CASR: variants seen among roughly 807,000 people sequenced by gnomAD.
The protein encoded by CASR is calcium sensing receptor, also known as extracellular calcium-sensing receptor.
CASR carries 23 observed loss-of-function variants against 69.1 expected under a neutral mutation model. That is an observed-to-expected ratio of 0.33 (90% CI 0.24 to 0.47). The LOEUF (loss-of-function observed/expected upper bound fraction) is 0.47, where lower values mean the gene tolerates loss of function less well. CASR is among the 20% of genes least tolerant of loss of function. The probability of loss-of-function intolerance (pLI) is 1.00; values close to 1 mark genes in which losing one functional copy is unlikely to be tolerated. For missense variants in CASR, 924 were observed against 1,356.1 expected (o/e 0.68, Z 5.00); for synonymous variants, 541 against 544.7 (o/e 0.99, Z 0.10).
At chr3:122,188,480 C>A (rs1033195538) in intron 1 of CASR, among the ~76,000 whole-genome samples, 1 of 150,936 alleles carries the variant, frequency 6.6e-6, no homozygotes, top group Non-Finnish European at 1.5e-5. Flanking sequence ...TGCTTGTATA[C>A]AGAGAACTTC....
Position 122,257,395 on chromosome 3 carries a change from A to C in CASR, c.492+8A>C. 6.2e-7 allele frequency: 1 copy of C among 1,610,210 alleles called. No homozygotes were observed. Among genetic ancestry groups the C allele is most frequent in the Non-Finnish European group, 8.5e-7 (1 of 1,177,198 alleles). Reference sequence around the variant, plus strand: ...CTCTTCTACATTCCCCAGGTACTCAAGCCTTCTCAGGCGGGGCACTGGGAG... The same window carrying C: ...CTCTTCTACATTCCCCAGGTACTCACGCCTTCTCAGGCGGGGCACTGGGAG... On this transcript the variant is annotated splice_region_variant and intron_variant, in intron 3 of 6. Coordinates refer to ENST00000639785, the MANE Select transcript of CASR (RefSeq NM_000388.4).
At chr3:122,251,310 A>G (rs1168488013) in intron 1 of CASR, among the ~76,000 whole-genome samples, 1 of 152,220 alleles carries the variant, frequency 6.6e-6, no homozygotes, top group Non-Finnish European at 1.5e-5. Flanking sequence ...CCAAGACATA[A>G]GAGACTATGT....
chr3:122,271,570 T>C (rs2074758010), intron 4 of CASR, among the ~76,000 whole-genome samples: 1 of 152,242 alleles, frequency 6.6e-6, no homozygotes, highest in African/African-American at 2.4e-5. Context: ...TTAAAGTCCT[T>C]TTCCATGCCT....
intron 5 of CASR, among the ~76,000 whole-genome samples, chr3:122,277,376 AAG>A (rs1253182070): frequency 2.0e-5 from 3 of 151,966 alleles, no homozygotes; most frequent in Non-Finnish European, 2.9e-5. Context: ...AACATAACCA[AAG>A]ACTCGCTTCG....
chr3:122,220,406 T>C (rs145009194), intron 1 of CASR, among the ~76,000 whole-genome samples: 2 of 152,282 alleles, frequency 1.3e-5, no homozygotes, highest in Admixed American at 6.5e-5. Flanking sequence ...TTTCCAAATA[T>C]TGGGAATCCA....
chr3:122,254,209 G>A lies in CASR; in HGVS notation c.20G>A (p.Cys7Tyr), dbSNP rs2074528024. 1.9e-6 allele frequency: 3 copies of A among 1,613,290 alleles called. No individual in the cohort carries two copies. Among genetic ancestry groups the A allele is most frequent in the South Asian group, 1.1e-5 (1 of 91,046 alleles). ...AGAACCATGGCATTTTATAGCTGCT[G>A]CTGGGTCCTCTTGGCACTCACCTGG... MAFYSC[C>Y]WVLLALTWHT... Residue 7 changes from cysteine to tyrosine, a missense_variant, in exon 2 of 7, where the codon TGC (cysteine) becomes TAC (tyrosine). Coordinates refer to ENST00000639785, the MANE Select transcript of CASR (RefSeq NM_000388.4).
At position 122,289,090 on chromosome 3, in the gene CASR, C is replaced by G. The variant is rs116421865; in HGVS notation, c.*3899C>G. 6.6e-6 allele frequency: 1 copy of G among 152,232 alleles called. No individual in the cohort carries two copies. Among genetic ancestry groups the G allele is most frequent in the Non-Finnish European group, 1.5e-5 (1 of 68,048 alleles). The allele number at this position is 152,232 out of a possible 1,614,324, so 9.4% of individuals were successfully genotyped here. On this transcript the variant is annotated 3_prime_UTR_variant, in exon 7 of 7. Transcript: ENST00000639785. ...AGGCAATGTTGTCTGTCGTTTTGCTCTGGCTGAAATCACATAGCTACGGGC... is the reference window on the plus strand; with the variant it reads ...AGGCAATGTTGTCTGTCGTTTTGCTGTGGCTGAAATCACATAGCTACGGGC...
chr3:122,267,843 T>A (rs1195167034), intron 4 of CASR, among the ~76,000 whole-genome samples: 4 of 152,230 alleles, frequency 2.6e-5, no homozygotes, highest in African/African-American at 9.6e-5. Flanking sequence ...GAGATCAGGA[T>A]GTCATTCAGG....
At chr3:122,272,556 C>T (rs1373238849) in intron 4 of CASR, among the ~76,000 whole-genome samples, 1 of 152,214 alleles carries the variant, frequency 6.6e-6, no homozygotes, top group Non-Finnish European at 1.5e-5. Flanking sequence ...ATTTCTATCT[C>T]CTCTAAGTTT....
chr3:122,237,216 T>G (rs1032058861), intron 1 of CASR, among the ~76,000 whole-genome samples: 1 of 151,758 alleles, frequency 6.6e-6, no homozygotes, highest in Non-Finnish European at 1.5e-5. Context: ...TTCAAGCGAT[T>G]CTTCTGCCTC....
chr3:122,220,666 C>T (rs951476976), intron 1 of CASR, among the ~76,000 whole-genome samples: 10 of 152,172 alleles, frequency 6.6e-5, no homozygotes, highest in Admixed American at 2.6e-4. Context: ...GATTCAACAA[C>T]GTACATTAAA....
intron 1 of CASR, among the ~76,000 whole-genome samples, chr3:122,236,089 A>G (rs916123795): frequency 1.3e-5 from 2 of 152,236 alleles, no homozygotes; most frequent in Non-Finnish European, 2.9e-5. Context: ...CCCAACAGAT[A>G]GGAGGCTCTT....
At chr3:122,274,133 T>C (rs1472947103) in intron 4 of CASR, among the ~76,000 whole-genome samples, 1 of 152,174 alleles carries the variant, frequency 6.6e-6, no homozygotes. Context: ...TCAGCAGCTC[T>C]GGTTGCAGAA....
intron 1 of CASR, among the ~76,000 whole-genome samples, chr3:122,193,062 C>T (rs1002050090): frequency 6.6e-6 from 1 of 152,150 alleles, no homozygotes; most frequent in African/African-American, 2.4e-5. Flanking sequence ...GGTAGCCTCA[C>T]TCTAATCCAC....
rs776303937 is a variant in CASR at position 122,257,111 on chromosome 3, G to A, written c.216G>A (p.Gln72=). The change falls in exon 3 of 7, where the codon CAG becomes CAA. Residue 72 remains glutamine, a synonymous_variant. Coordinates refer to ENST00000639785, the MANE Select transcript of CASR (RefSeq NM_000388.4). ...ATTTCCGTGGGTTTCGCTGGTTACA[G>A]GCTATGATATTTGCCATAGAGGAGA... The part of the protein sequence containing the change: ...RYNFRGFRWL[Q]AMIFAIEEIN... 6.2e-7 allele frequency: 1 copy of A among 1,614,162 alleles called. No individual in the cohort carries two copies. The highest frequency in any genetic ancestry group is 8.5e-7 in the Non-Finnish European group (1 of 1,180,022).
rs766231362 is a variant in CASR, at chr3:122,262,166, C to T, written c.1131C>T (p.His377=). ...CTGTGGACACCTTTCTGAGAGGTCA[C>T]GAAGAAAGTGGCGACAGGTTTAGCA... ...PLPVDTFLRG[H]EESGDRFSNS... Residue 377 remains histidine, a synonymous_variant, in exon 4 of 7, where the codon CAC becomes CAT. Transcript: ENST00000639785. The T allele has an allele frequency of 1.9e-6, 3 of 1,614,018 alleles. No homozygotes were observed. The highest frequency in any genetic ancestry group is 2.2e-5 in the East Asian group (1 of 44,902).
At chr3:122,250,353 A>G (rs1391412401) in intron 1 of CASR, among the ~76,000 whole-genome samples, 2 of 152,180 alleles carry the variant, frequency 1.3e-5, no homozygotes, top group African/African-American at 4.8e-5. Flanking sequence ...TCCTTCCTCT[A>G]TTCCTTATTG....
At chr3:122,275,168 A>G (rs1437802273) in intron 4 of CASR, among the ~76,000 whole-genome samples, 1 of 152,228 alleles carries the variant, frequency 6.6e-6, no homozygotes, top group African/African-American at 2.4e-5. Context: ...ACATGACAAC[A>G]TGTGGTATGT....
At chr3:122,206,550 G>A (rs1034287375) in intron 1 of CASR, among the ~76,000 whole-genome samples, 3 of 151,684 alleles carry the variant, frequency 2.0e-5, no homozygotes, top group Admixed American at 2.0e-4. Flanking sequence ...TTTTTGCTGT[G>A]TCCTCATCTG....
Sources: gnomAD v4.1 joint callset for allele counts (sites outside exome capture counted in the v4.1 genomes callset) on GRCh38, gnomAD v4.1.1 for gene constraint, MANE v1.5 for transcripts, NCBI Gene and HGNC (gene_info 2026-07-23, HGNC 2026-07-21) for gene names.